ALCAM: variants seen among roughly 807,000 people sequenced by gnomAD.
The protein encoded by ALCAM is CD166 antigen.
Under a neutral mutation model 70.9 loss-of-function variants are expected in ALCAM, and 30 were observed. The ratio of observed to expected loss-of-function variants is 0.42; its 90% CI spans 0.32 to 0.57. The LOEUF is 0.57. ALCAM is among the 20% of genes least tolerant of loss of function. ALCAM has a pLI of 0.11. For synonymous variants in ALCAM, 249 were observed against 242.5 expected (o/e 1.03, Z -0.25); for missense variants, 591 against 695.1 (o/e 0.85, Z 1.68).
chr3:105,462,410 T>C (rs939128485), intron 1 of ALCAM, among the ~76,000 whole-genome samples: 1 of 151,602 alleles, frequency 6.6e-6, no homozygotes, highest in Non-Finnish European at 1.5e-5. Flanking sequence ...TATGTAGCAT[T>C]TCATTGTATA....
At position 105,464,766 on chromosome 3, in the gene ALCAM, T is replaced by C. The variant is rs570061584; in HGVS notation, c.74-55301T>C. On this transcript the variant is annotated intron_variant, in intron 1 of 15. Transcript: ENST00000306107. ...AGAGATGAATGTATAAGACAACAGT[T>C]TGGCAGAGGAAATATTAGTATGCAT... Among the ~76,000 whole-genome samples, 5 of 151,494 alleles carry C rather than the reference T, an allele frequency of 3.3e-5. No homozygotes were observed. The East Asian group carries it at 9.7e-4, about 29-fold the overall frequency.
At chr3:105,486,596 T>C (rs1938433988) in intron 1 of ALCAM, among the ~76,000 whole-genome samples, 1 of 152,142 alleles carries the variant, frequency 6.6e-6, no homozygotes, top group South Asian at 2.1e-4. Context: ...TCATTTGACA[T>C]TTTCAACTTA....
intron 1 of ALCAM, among the ~76,000 whole-genome samples, chr3:105,502,146 A>G (rs1486791654): frequency 6.6e-6 from 1 of 152,222 alleles, no homozygotes. Flanking sequence ...CTCATATTGG[A>G]GAATCTGAAT....
chr3:105,549,348 A>C (rs1380774498), intron 11 of ALCAM, among the ~76,000 whole-genome samples: 1 of 151,452 alleles, frequency 6.6e-6, no homozygotes, highest in African/African-American at 2.4e-5. Context: ...AAAACAGGAG[A>C]ATAGCTCTTG....
chr3:105,469,507 A>C (rs1937858827), intron 1 of ALCAM, among the ~76,000 whole-genome samples: 1 of 151,266 alleles, frequency 6.6e-6, no homozygotes, highest in African/African-American at 2.4e-5. Context: ...AGTAAACAGA[A>C]AGTAGAAAAA....
At position 105,550,115 on chromosome 3, in the gene ALCAM, TTC is replaced by T. The variant is rs760213557; in HGVS notation, c.1375-10_1375-9del. 3.8e-6 allele frequency: 6 copies of T among 1,572,556 alleles called. No individual in the cohort carries two copies. The highest frequency in any genetic ancestry group is 4.3e-6 in the Non-Finnish European group (5 of 1,152,634). ...TTGATTTCTAAACCCACCTTTTTTC[TTC>T]TTTTTCCAGACAGAGGAATCTCCTT... On this transcript the variant is annotated splice_polypyrimidine_tract_variant and intron_variant, in intron 11 of 15. Coordinates refer to ENST00000306107, the MANE Select transcript of ALCAM (RefSeq NM_001627.4).
chr3:105,425,283 A>G (rs558027240), intron 1 of ALCAM, among the ~76,000 whole-genome samples: 4 of 151,826 alleles, frequency 2.6e-5, no homozygotes, highest in South Asian at 2.1e-4. Context: ...TTGATGACAC[A>G]TTGGTTCTAT....
chr3:105,396,746 T>C (rs1466115756), intron 1 of ALCAM, among the ~76,000 whole-genome samples: 1 of 152,058 alleles, frequency 6.6e-6, no homozygotes, highest in East Asian at 1.9e-4. Flanking sequence ...GCAAGTAGTA[T>C]TTAGGAAAAA....
At chr3:105,479,199 AT>A (rs916740424) in intron 1 of ALCAM, among the ~76,000 whole-genome samples, 2 of 152,134 alleles carry the variant, frequency 1.3e-5, no homozygotes, top group African/African-American at 4.8e-5. Context: ...ATTAGAAAAC[AT>A]TTCTTGTAGT....
At chr3:105,484,877 C>T (rs1024931027) in intron 1 of ALCAM, among the ~76,000 whole-genome samples, 24 of 152,048 alleles carry the variant, frequency 1.6e-4, no homozygotes, top group African/African-American at 4.6e-4. Context: ...AGTACATGCT[C>T]ATACCTTAGG....
At chr3:105,547,933 G>A (rs1009690896) in intron 11 of ALCAM, among the ~76,000 whole-genome samples, 29 of 151,528 alleles carry the variant, frequency 1.9e-4, no homozygotes, top group African/African-American at 7.0e-4. Flanking sequence ...CTCAACTTAT[G>A]CACATTAAGG....
At chr3:105,555,847 T>A (rs1462770101) in intron 14 of ALCAM, among the ~76,000 whole-genome samples, 2 of 151,926 alleles carry the variant, frequency 1.3e-5, no homozygotes, top group Non-Finnish European at 2.9e-5. Flanking sequence ...CTCATGACTT[T>A]TTTGCTGCTT....
intron 14 of ALCAM, 191 bp downstream of exon 14, chr3:105,552,776 G>C: frequency 1.4e-6 from 2 of 1,399,932 alleles, no homozygotes; most frequent in South Asian, 3.2e-5. Context: ...ACATGGCTTG[G>C]GATACTGTTT....
intron 14 of ALCAM, among the ~76,000 whole-genome samples, chr3:105,554,950 C>T (rs975318027): frequency 3.3e-5 from 5 of 150,380 alleles, no homozygotes; most frequent in Non-Finnish European, 7.4e-5. Context: ...GAAAAAAAAA[C>T]TATAATTCTT....
intron 1 of ALCAM, among the ~76,000 whole-genome samples, chr3:105,379,995 A>G (rs1216316953): frequency 6.6e-6 from 1 of 151,818 alleles, no homozygotes; most frequent in East Asian, 1.9e-4. Flanking sequence ...AAAGAGAAAA[A>G]AGTTCATTTC....
At chr3:105,476,041 A>G (rs775699813) in intron 1 of ALCAM, among the ~76,000 whole-genome samples, 1 of 151,958 alleles carries the variant, frequency 6.6e-6, no homozygotes, top group Non-Finnish European at 1.5e-5. Context: ...CTCCACGAAA[A>G]TGATTCCTCC....
chr3:105,371,774 A>G (rs1239293749), intron 1 of ALCAM, among the ~76,000 whole-genome samples: 1 of 152,174 alleles, frequency 6.6e-6, no homozygotes, highest in African/African-American at 2.4e-5. Context: ...ACTCAAGTAG[A>G]CACATGCAAT....
At chr3:105,472,129 CTTCT>C (rs1937951427) in intron 1 of ALCAM, among the ~76,000 whole-genome samples, 1 of 150,418 alleles carries the variant, frequency 6.6e-6, no homozygotes, top group South Asian at 2.1e-4. Context: ...ACAGGATTTC[CTTCT>C]TTCTTGTGGC....
chr3:105,469,778 T>C (rs1165962093), intron 1 of ALCAM, among the ~76,000 whole-genome samples: 1 of 151,000 alleles, frequency 6.6e-6, no homozygotes, highest in African/African-American at 2.4e-5. Flanking sequence ...CCTTTTAATA[T>C]CCCTCAAATT....
Sources: allele counts gnomAD v4.1 joint callset (sites outside exome capture counted in the v4.1 genomes callset), GRCh38; gene constraint gnomAD v4.1.1; transcripts MANE v1.5; gene names NCBI Gene and HGNC (gene_info 2026-07-23, HGNC 2026-07-21).